Variants in MAF observed in about 807,000 individuals in gnomAD.
MAF encodes MAF bZIP transcription factor, also known as transcription factor Maf.
MAF carries 10 observed loss-of-function variants against 22.0 expected under a neutral mutation model. The ratio of observed to expected loss-of-function variants is 0.45; its 90% CI spans 0.28 to 0.77. The LOEUF (loss-of-function observed/expected upper bound fraction) is 0.77, where lower values mean the gene tolerates loss of function less well. MAF is among the 30% of genes least tolerant of loss of function. The pLI is 0.12. For synonymous variants in MAF, 337 were observed against 255.8 expected (o/e 1.32, Z -3.03); for missense variants, 544 against 548.4 (o/e 0.99, Z 0.08).
chr16:79,364,633 T>A, the MAF span, among the ~76,000 whole-genome samples: 1 of 152,222 alleles, frequency 6.6e-6, no homozygotes, highest in African/African-American at 2.4e-5. Context: ...ATGCTCCCAA[T>A]TGAACAGTTT....
At chr16:79,583,839 A>G, downstream of MAF, among the ~76,000 whole-genome samples, 1 of 152,218 alleles carries the variant, frequency 6.6e-6, no homozygotes. Flanking sequence ...TCAGGTAGCC[A>G]AATCGGGTGA....
the MAF span, among the ~76,000 whole-genome samples, chr16:79,354,918 G>A: frequency 1.3e-5 from 2 of 152,136 alleles, no homozygotes; most frequent in Non-Finnish European, 2.9e-5. Flanking sequence ...CAGATTAGAA[G>A]GAAAAAATAA....
the MAF span, chr16:79,212,172 A>T: frequency 6.8e-7 from 1 of 1,481,044 alleles, no homozygotes; most frequent in Admixed American, 2.3e-5. Context: ...CACGGCCACC[A>T]CTGCAGCCGG....
the MAF span, among the ~76,000 whole-genome samples, chr16:79,549,491 T>C: frequency 6.6e-6 from 1 of 152,156 alleles, no homozygotes; most frequent in Admixed American, 6.5e-5. Context: ...AATGTCAAAT[T>C]CAAGGTGAAG....
At chr16:79,264,056 G>C in the MAF span, among the ~76,000 whole-genome samples, 1 of 152,160 alleles carries the variant, frequency 6.6e-6, no homozygotes, top group Non-Finnish European at 1.5e-5. Flanking sequence ...TCTGTAAATG[G>C]AGAAGACTCC....
chr16:79,355,073 GT>G, the MAF span, among the ~76,000 whole-genome samples: 1 of 152,102 alleles, frequency 6.6e-6, no homozygotes, highest in Admixed American at 6.5e-5. Flanking sequence ...GATAAGATTA[GT>G]TTTTCCCCCT....
At chr16:79,470,827 C>T in the MAF span, among the ~76,000 whole-genome samples, 13,234 of 152,196 alleles carry the variant, frequency 0.087, 747 homozygotes, top group South Asian at 0.16. Context: ...GTTTAGCTGA[C>T]GCCAGAACTA....
the MAF span, among the ~76,000 whole-genome samples, chr16:79,273,438 G>C: frequency 6.6e-6 from 1 of 152,186 alleles, no homozygotes; most frequent in Admixed American, 6.5e-5. Context: ...CCACAAACTT[G>C]GTGGCTTAAA....
At chr16:79,401,295 T>C in the MAF span, among the ~76,000 whole-genome samples, 14 of 152,212 alleles carry the variant, frequency 9.2e-5, no homozygotes, top group African/African-American at 3.1e-4. Context: ...CGATTTAGTT[T>C]TTCTGAGCAC....
chr16:79,419,560 G>A, the MAF span, among the ~76,000 whole-genome samples: 19 of 152,308 alleles, frequency 1.2e-4, no homozygotes, highest in African/African-American at 3.8e-4. Flanking sequence ...ACTCTCTGGT[G>A]TCTAGGATGT....
chr16:79,358,364 T>A, the MAF span, among the ~76,000 whole-genome samples: 1 of 152,136 alleles, frequency 6.6e-6, no homozygotes, highest in Non-Finnish European at 1.5e-5. Flanking sequence ...GGATGAGAAC[T>A]GGACAGGCAG....
chr16:79,406,586 C>T, the MAF span, among the ~76,000 whole-genome samples: 2 of 152,112 alleles, frequency 1.3e-5, no homozygotes, highest in African/African-American at 4.8e-5. Flanking sequence ...AAAGTTCCAC[C>T]CTCATGATCT....
the MAF span, among the ~76,000 whole-genome samples, chr16:79,262,899 G>A: frequency 6.6e-6 from 1 of 152,140 alleles, no homozygotes; most frequent in Non-Finnish European, 1.5e-5. Context: ...ACTTAGGAGT[G>A]GCATCTTATT....
chr16:79,487,757 TG>T, the MAF span, among the ~76,000 whole-genome samples: 1 of 152,228 alleles, frequency 6.6e-6, no homozygotes, highest in Non-Finnish European at 1.5e-5. Flanking sequence ...ACTACATCCT[TG>T]GCCAGGACCC....
the MAF span, among the ~76,000 whole-genome samples, chr16:79,347,796 C>G: frequency 2.0e-5 from 3 of 152,264 alleles, no homozygotes; most frequent in African/African-American, 7.2e-5. Context: ...TACCAAGTCA[C>G]CGGTCATGTT....
the MAF span, among the ~76,000 whole-genome samples, chr16:79,446,332 T>C: frequency 1.3e-5 from 2 of 152,098 alleles, no homozygotes; most frequent in Admixed American, 6.5e-5. Flanking sequence ...TCTGTGCTTC[T>C]TCTATAGTAA....
At chr16:79,368,281 C>A in the MAF span, among the ~76,000 whole-genome samples, 1 of 152,096 alleles carries the variant, frequency 6.6e-6, no homozygotes, top group African/African-American at 2.4e-5. Flanking sequence ...TCTTGAGGCT[C>A]CAGATTCTAT....
chr16:79,598,517 C>T (rs1913718851), intron 1 of MAF: 1 of 1,375,586 alleles, frequency 7.3e-7, no homozygotes, highest in African/African-American at 1.5e-5. Flanking sequence ...ATCCATGAGC[C>T]AGACACCCAT....
the MAF span, among the ~76,000 whole-genome samples, chr16:79,502,952 A>C: frequency 0.038 from 5,808 of 151,622 alleles, 356 homozygotes; most frequent in African/African-American, 0.13. Context: ...AATATAATTA[A>C]GCCTCAATAA....
Sources: gnomAD v4.1 joint callset for allele counts (sites outside exome capture counted in the v4.1 genomes callset) on GRCh38, gnomAD v4.1.1 for gene constraint, MANE v1.5 for transcripts, NCBI Gene and HGNC (gene_info 2026-07-23, HGNC 2026-07-21) for gene names.